Variants in SRPK2 observed in about 807,000 individuals in gnomAD.
SRPK2 encodes the protein SFRS protein kinase 2.
SRPK2 carries 21 observed loss-of-function variants against 90.8 expected under a neutral mutation model. That is an observed-to-expected ratio of 0.23 (90% CI 0.16 to 0.33). The LOEUF is 0.33. SRPK2 is among the 10% of genes least tolerant of loss of function. The probability of loss-of-function intolerance (pLI) is 1.00; values close to 1 mark genes in which losing one functional copy is unlikely to be tolerated. For missense variants in SRPK2, 620 were observed against 869.0 expected (o/e 0.71, Z 3.60); for synonymous variants, 288 against 311.1 (o/e 0.93, Z 0.78).
In SRPK2 at chr7:105,142,307, T is replaced by C. The variant is rs757115688; in HGVS notation, c.1244A>G (p.Asp415Gly). The change falls in exon 11 of 16, where the codon GAT becomes GGT. Residue 415 changes from aspartate to glycine, a missense_variant. Physicochemically the swap from Asp to Gly is moderately conservative, Grantham distance 94. Transcript: ENST00000393651. The stretch of plus-strand genomic sequence containing the variant: ...CTCAGGATTTGGGCAGTCTTCTTCA[T>C]CATCATCTTCATCGTCCAGTTGCTG... Reference protein sequence around the residue: ...LEQQLDDEDDDEEDCPNPEEY... With the variant: ...LEQQLDDEDDGEEDCPNPEEY... The C allele has an allele frequency of 7.9e-5, 127 of 1,614,188 alleles. No homozygotes were observed. In the East Asian group the frequency reaches 2.7e-3, roughly 34 times the overall value.
At chr7:105,333,225 C>G (rs1814656746) in intron 2 of SRPK2, among the ~76,000 whole-genome samples, 1 of 151,902 alleles carries the variant, frequency 6.6e-6, no homozygotes, top group African/African-American at 2.4e-5. Context: ...TAGAAACAAC[C>G]AAAAAGCCTA....
At position 105,159,517 on chromosome 7, in the gene SRPK2, A is replaced by G. The variant is rs1189463217; in HGVS notation, c.621+990T>C. On this transcript the variant is annotated intron_variant, in intron 7 of 15. Transcript: ENST00000393651. Reference sequence around the variant, plus strand: ...AGATGAACACACAGGCAGGCTAAACAAAGTTATCTGCACACAAATTCAACA... The same window carrying G: ...AGATGAACACACAGGCAGGCTAAACGAAGTTATCTGCACACAAATTCAACA... Among the ~76,000 whole-genome samples the G allele has an allele frequency of 2.0e-5, 3 of 151,520 alleles. No homozygotes were observed. In the East Asian group the frequency reaches 5.8e-4, roughly 29 times the overall value.
At chr7:105,205,688 G>C (rs1045715262) in intron 2 of SRPK2, among the ~76,000 whole-genome samples, 2 of 152,092 alleles carry the variant, frequency 1.3e-5, no homozygotes, top group African/African-American at 4.8e-5. Flanking sequence ...AAAGTGGAAT[G>C]GTCCCAGGCA....
intron 3 of SRPK2, among the ~76,000 whole-genome samples, chr7:105,180,995 G>T (rs1391988193): frequency 6.7e-6 from 1 of 149,884 alleles, no homozygotes; most frequent in Non-Finnish European, 1.5e-5. Flanking sequence ...ATAATATCCA[G>T]AATCTACACA....
At chr7:105,162,738 G>A (rs968529514) in intron 6 of SRPK2, among the ~76,000 whole-genome samples, 5 of 152,278 alleles carry the variant, frequency 3.3e-5, no homozygotes, top group African/African-American at 1.2e-4. Context: ...GGCATAGGGC[G>A]AGGCCCAGGA....
intron 2 of SRPK2, among the ~76,000 whole-genome samples, chr7:105,293,992 T>G (rs1354191159): frequency 1.3e-5 from 2 of 152,318 alleles, no homozygotes; most frequent in Admixed American, 1.3e-4. Context: ...GTGAACTGCC[T>G]GCACCGGGGT....
chr7:105,303,692 T>C (rs796262469), intron 2 of SRPK2, among the ~76,000 whole-genome samples: 29 of 152,304 alleles, frequency 1.9e-4, no homozygotes, highest in African/African-American at 6.5e-4. Flanking sequence ...CTTGACTCTT[T>C]AGTATCTCTG....
At chr7:105,226,766 G>A (rs1011305935) in intron 2 of SRPK2, among the ~76,000 whole-genome samples, 2 of 151,854 alleles carry the variant, frequency 1.3e-5, no homozygotes, top group African/African-American at 4.8e-5. Flanking sequence ...GGGAGGCCAA[G>A]GTGGGTGGAT....
At chr7:105,392,846 TC>T, upstream of SRPK2, among the ~76,000 whole-genome samples, 1 of 151,790 alleles carries the variant, frequency 6.6e-6, no homozygotes. Flanking sequence ...AGGGTCTTGC[TC>T]CGTCGCCCAG....
intron 2 of SRPK2, among the ~76,000 whole-genome samples, chr7:105,296,745 G>C (rs765541166): frequency 6.6e-6 from 1 of 152,144 alleles, no homozygotes; most frequent in Admixed American, 6.5e-5. Context: ...CACTAATAGA[G>C]CTTACTATGT....
At chr7:105,239,507 G>C (rs1231000855) in intron 2 of SRPK2, among the ~76,000 whole-genome samples, 1 of 152,180 alleles carries the variant, frequency 6.6e-6, no homozygotes, top group East Asian at 1.9e-4. Flanking sequence ...ATACATCTTT[G>C]TTTTCTCCTC....
At chr7:105,313,640 A>G (rs1231872824) in intron 2 of SRPK2, among the ~76,000 whole-genome samples, 1 of 151,944 alleles carries the variant, frequency 6.6e-6, no homozygotes, top group Non-Finnish European at 1.5e-5. Flanking sequence ...AATCCCAGCT[A>G]CTTGGGAGGC....
At chr7:105,145,368 G>C in intron 8 of SRPK2, 60 bp from the exon 9 acceptor site, 1 of 1,303,154 alleles carries the variant, frequency 7.7e-7, no homozygotes, top group Non-Finnish European at 1.1e-6. Flanking sequence ...CCTTCATGTA[G>C]GTCATTCGAA....
chr7:105,358,974 T>A (rs1818115792), intron 2 of SRPK2, among the ~76,000 whole-genome samples: 2 of 151,498 alleles, frequency 1.3e-5, no homozygotes, highest in African/African-American at 4.9e-5. Context: ...TGGAGGTGCC[T>A]CTTTTCAACA....
chr7:105,300,175 C>G (rs1283937910), intron 2 of SRPK2, among the ~76,000 whole-genome samples: 1 of 147,244 alleles, frequency 6.8e-6, no homozygotes, highest in Non-Finnish European at 1.5e-5. Flanking sequence ...ATTGCTTCAA[C>G]TCGGGAGGCA....
chr7:105,143,280 C>T lies in SRPK2; in HGVS notation c.864G>A (p.Lys288=), dbSNP rs769991129. The T allele has an allele frequency of 6.2e-7, 1 of 1,613,578 alleles. No homozygotes were observed. The highest frequency in any genetic ancestry group is 8.5e-7 in the Non-Finnish European group (1 of 1,179,912). Residue 288 remains lysine (K), a synonymous_variant, in exon 10 of 16, where the codon AAG becomes AAA. Coordinates refer to ENST00000393651, the MANE Select transcript of SRPK2 (RefSeq NM_182692.3). ...NKKKKLKKKQ[K]RQAELLEKRL... ...GCTTCTCCAATAACTCAGCCTGCCT[C>T]TTCTGTTTCTTTTTCAGTTTTTTCT...
At chr7:105,334,839 A>G (rs1482493247) in intron 2 of SRPK2, among the ~76,000 whole-genome samples, 1 of 150,012 alleles carries the variant, frequency 6.7e-6, no homozygotes, top group African/African-American at 2.5e-5. Flanking sequence ...CAGACCAAAA[A>G]AAAAAAAAAC....
intron 2 of SRPK2, among the ~76,000 whole-genome samples, chr7:105,271,552 C>T (rs983191180): frequency 2.6e-5 from 4 of 152,194 alleles, no homozygotes; most frequent in African/African-American, 9.7e-5. Context: ...TGGTAATTCC[C>T]CACATTCGTG....
At position 105,117,961 on chromosome 7, in the gene SRPK2, C is replaced by T; in HGVS notation, c.1977G>A (p.Lys659=). The T allele has an allele frequency of 1.2e-6, 2 of 1,614,202 alleles. No homozygotes were observed. Among genetic ancestry groups the T allele is most frequent in the Non-Finnish European group, 1.7e-6 (2 of 1,180,020 alleles). The change falls in exon 16 of 16, where the codon AAG becomes AAA. Residue 659 remains lysine (K), a synonymous_variant. Coordinates refer to ENST00000393651, the MANE Select transcript of SRPK2 (RefSeq NM_182692.3). ...CAGCATCTTCATGGGGCCAGCCATA[C>T]TTTTCCACAAGTACATCAAAGAGGC... is the stretch of plus-strand genomic sequence containing the variant. ...PWSLFDVLVE[K]YGWPHEDAAQ...
Sources: gnomAD v4.1 joint callset for allele counts (sites outside exome capture counted in the v4.1 genomes callset) on GRCh38, gnomAD v4.1.1 for gene constraint, MANE v1.5 for transcripts, NCBI Gene and HGNC (gene_info 2026-07-23, HGNC 2026-07-21) for gene names.